BPIFB4: variants seen among roughly 807,000 people sequenced by gnomAD.
BPIFB4 encodes the protein BPI fold containing family B member 4.
Under a neutral mutation model 69.2 loss-of-function variants are expected in BPIFB4, and 62 were observed. That is an observed-to-expected ratio of 0.90 (90% CI 0.73 to 1.11). The LOEUF (loss-of-function observed/expected upper bound fraction) is 1.11. BPIFB4 is among the 50% of genes least tolerant of loss of function. The probability of loss-of-function intolerance (pLI) is 0.00; values close to 1 mark genes in which losing one functional copy is unlikely to be tolerated. For synonymous variants in BPIFB4, 330 were observed against 332.7 expected (o/e 0.99, Z 0.09); for missense variants, 789 against 792.0 (o/e 1.00, Z 0.04).
chr20:33,087,748 A>ACC (rs1981474958), intron 7 of BPIFB4, among the ~76,000 whole-genome samples: 1 of 149,164 alleles, frequency 6.7e-6, no homozygotes, highest in Non-Finnish European at 1.5e-5. Flanking sequence ...ACACACACAC[A>ACC]CACACAAGCA....
chr20:33,084,296 C>G (rs755811907), intron 5 of BPIFB4, among the ~76,000 whole-genome samples: 13 of 152,208 alleles, frequency 8.5e-5, no homozygotes, highest in Non-Finnish European at 1.8e-4. Context: ...GTGCAGAGTA[C>G]TGTGTTGGCA....
At chr20:33,084,838 G>A in intron 5 of BPIFB4, 54 bp from the exon 6 acceptor site, 2 of 1,581,122 alleles carry the variant, frequency 1.3e-6, no homozygotes, top group Non-Finnish European at 1.7e-6. Flanking sequence ...GCGCTCGGGT[G>A]AGTGGGTGGT....
At chr20:33,082,879 G>T in intron 3 of BPIFB4, 59 bp from the exon 4 acceptor site, 1 of 1,519,934 alleles carries the variant, frequency 6.6e-7, no homozygotes, top group Non-Finnish European at 9.1e-7. Flanking sequence ...GGTGCTGCCT[G>T]GGGGCTGGAG....
intron 6 of BPIFB4, among the ~76,000 whole-genome samples, chr20:33,085,820 T>G (rs1419603497): frequency 6.6e-6 from 1 of 152,186 alleles, no homozygotes; most frequent in African/African-American, 2.4e-5. Flanking sequence ...GTTCCCAGCC[T>G]TTGAAGCTCA....
intron 12 of BPIFB4, among the ~76,000 whole-genome samples, chr20:33,097,071 C>G (rs755333424): frequency 2.0e-5 from 3 of 152,168 alleles, no homozygotes; most frequent in Non-Finnish European, 2.9e-5. Context: ...CCTGGGACCT[C>G]CCTGTGGGAT....
At chr20:33,090,164 A>T (rs947777820) in intron 9 of BPIFB4, among the ~76,000 whole-genome samples, 1 of 152,252 alleles carries the variant, frequency 6.6e-6, no homozygotes, top group Admixed American at 6.5e-5. Flanking sequence ...TGCAGTGCAC[A>T]GCCTCCACAG....
chr20:33,102,422 A>T (rs142677639), intron 14 of BPIFB4, among the ~76,000 whole-genome samples: 1 of 152,336 alleles, frequency 6.6e-6, no homozygotes, highest in Non-Finnish European at 1.5e-5. Context: ...CTTATAGAGC[A>T]GAGCGAGACC....
chr20:33,098,573 T>C (rs1981821959), intron 13 of BPIFB4, among the ~76,000 whole-genome samples: 1 of 151,900 alleles, frequency 6.6e-6, no homozygotes, highest in Non-Finnish European at 1.5e-5. Flanking sequence ...GGTGAAACTC[T>C]GCCTCTACTA....
chr20:33,095,928 T>C (rs1027011800), intron 12 of BPIFB4, among the ~76,000 whole-genome samples: 7 of 152,212 alleles, frequency 4.6e-5, no homozygotes, highest in African/African-American at 1.4e-4. Context: ...TCTGGGCCTA[T>C]TACCTTGCAC....
rs959989055 is a variant in BPIFB4, at chr20:33,097,711, T to G, written c.1493T>G (p.Val498Gly). ...ATGCTGCAGAAGGACAAAGCGCTGGTGAAGGTGTTGGCCACTGCCGAGGTC... is the reference window on the plus strand; with the variant it reads ...ATGCTGCAGAAGGACAAAGCGCTGGGGAAGGTGTTGGCCACTGCCGAGGTC... Reference protein sequence around the residue: ...SVMLQKDKALVKVLATAEVMV... With the variant: ...SVMLQKDKALGKVLATAEVMV... Residue 498 changes from valine to glycine, a missense_variant, in exon 13 of 18, where the codon GTG becomes GGG. Val to Gly is a moderately radical substitution (Grantham distance 109). This residue lies in a region of BPIFB4 where 170 missense variants were observed against 193.6 expected (regional missense o/e 0.88). Transcript: ENST00000375483. 6.2e-7 allele frequency: 1 copy of G among 1,614,022 alleles called. No individual in the cohort carries two copies. Among genetic ancestry groups the G allele is most frequent in the Non-Finnish European group, 8.5e-7 (1 of 1,179,994 alleles).
Position 33,087,998 on chromosome 20 carries a change from G to A in BPIFB4, c.927-968G>A, listed in dbSNP as rs75344611. On this transcript the variant is annotated intron_variant, in intron 7 of 17. Coordinates refer to ENST00000375483, the MANE Select transcript of BPIFB4 (RefSeq NM_182519.3). ...GGGAACCCAGGCAGGGTTCGGTGGCGAGGGACGGAGTGAAGTTCTCAAGAG... is the reference window on the plus strand; with the variant it reads ...GGGAACCCAGGCAGGGTTCGGTGGCAAGGGACGGAGTGAAGTTCTCAAGAG... Among the ~76,000 whole-genome samples the A allele has an allele frequency of 3.4e-3, 520 of 152,268 alleles. 6 individuals are homozygous for A. The highest frequency in any genetic ancestry group is 4.6e-3 in the Admixed American group (70 of 15,306).
At chr20:33,094,310 G>A (rs773584071) in intron 11 of BPIFB4, among the ~76,000 whole-genome samples, 1 of 152,164 alleles carries the variant, frequency 6.6e-6, no homozygotes, top group Non-Finnish European at 1.5e-5. Context: ...GTGTCAAGTG[G>A]TACTGGCTTT....
intron 6 of BPIFB4, 152 bp downstream of exon 6, chr20:33,085,148 A>G: frequency 7.0e-7 from 1 of 1,434,948 alleles, no homozygotes; most frequent in Admixed American, 2.5e-5. Flanking sequence ...ACAGCCTAGC[A>G]CAGTGGTTAA....
Position 33,092,738 on chromosome 20 carries a change from G to T in BPIFB4, c.1344+80G>T, listed in dbSNP as rs1219707942. ...ACCCTTCTCAGTCTCCACAGACTTGGGGAATTTGCTGTGAAGTGAGAACTG... is the reference window on the plus strand; with the variant it reads ...ACCCTTCTCAGTCTCCACAGACTTGTGGAATTTGCTGTGAAGTGAGAACTG... On this transcript the variant is annotated intron_variant, in intron 11 of 17. Transcript: ENST00000375483. 4 of 1,385,434 alleles carry T rather than the reference G, an allele frequency of 2.9e-6. No individual in the cohort carries two copies. In the East Asian group the frequency reaches 6.9e-5, roughly 24 times the overall value. 85.8% of individuals were successfully genotyped at this position (1,385,434 alleles called of 1,614,324 possible).
rs267605884 is a variant in BPIFB4 at position 33,086,084 on chromosome 20, G to T, written c.846G>T (p.Met282Ile). The T allele has an allele frequency of 6.2e-7, 1 of 1,613,548 alleles. No homozygotes were observed. Among genetic ancestry groups the T allele is most frequent in the Non-Finnish European group, 8.5e-7 (1 of 1,179,498 alleles). Residue 282 changes from methionine to isoleucine, a missense_variant, in exon 7 of 18, where the codon ATG (methionine) becomes ATT (isoleucine). Coordinates refer to ENST00000375483, the MANE Select transcript of BPIFB4 (RefSeq NM_182519.3). ...TCACAGCCAAGGTCCGGCTGACCAT[G>T]GACCGCACGGGTTATCCTCGGCTGG... ...VNITAKVRLT[M>I]DRTGYPRLVI...
chr20:33,105,333 A>G (rs949333173), intron 16 of BPIFB4, among the ~76,000 whole-genome samples: 1 of 152,190 alleles, frequency 6.6e-6, no homozygotes, highest in African/African-American at 2.4e-5. Flanking sequence ...ATACATTCTT[A>G]TTGTGAAAAG....
At chr20:33,097,409 A>G (rs1981784920) in intron 12 of BPIFB4, among the ~76,000 whole-genome samples, 1 of 152,198 alleles carries the variant, frequency 6.6e-6, no homozygotes, top group Non-Finnish European at 1.5e-5. Flanking sequence ...GCATGATCAC[A>G]GTTATTTCTC....
rs1258636861 is a variant in BPIFB4, at chr20:33,097,644, C to G, written c.1426C>G (p.Pro476Ala). ...GTTCCAGCAGTACCCCGAGTCCTGC[C>G]CACTTATCATCAGGATCCAGGTGCT... ...KVFQQYPESC[P>A]LIIRIQVLNP... The change falls in exon 13 of 18, where the codon CCA becomes GCA. Residue 476 changes from proline to alanine, a missense_variant. Physicochemically the swap from Pro to Ala is conservative, Grantham distance 27 (BLOSUM62 -1). Coordinates refer to ENST00000375483, the MANE Select transcript of BPIFB4 (RefSeq NM_182519.3). 6 of 1,614,074 alleles carry G rather than the reference C, an allele frequency of 3.7e-6. No homozygotes were observed. In the South Asian group the frequency reaches 6.6e-5, roughly 18 times the overall value.
At chr20:33,086,920 T>C (rs191608845) in intron 7 of BPIFB4, among the ~76,000 whole-genome samples, 2 of 152,304 alleles carry the variant, frequency 1.3e-5, no homozygotes, top group East Asian at 3.9e-4. Flanking sequence ...CTTCTTTGGC[T>C]TCTCTCTTGG....
Sources: allele counts gnomAD v4.1 joint callset (sites outside exome capture counted in the v4.1 genomes callset), GRCh38; gene constraint gnomAD v4.1.1; regional missense constraint gnomAD v4.1.1; transcripts MANE v1.5; gene names NCBI Gene and HGNC (gene_info 2026-07-23, HGNC 2026-07-21).